HTR5A: variants seen among roughly 807,000 people sequenced by gnomAD.
The protein encoded by HTR5A is 5-hydroxytryptamine receptor 5A, also known as 5-HT-5.
In HTR5A, 21 loss-of-function variants were observed where a neutral mutation model predicts 24.3. The ratio of observed to expected loss-of-function variants is 0.86; its 90% CI spans 0.61 to 1.24. The LOEUF is 1.24. Ranked by LOEUF, HTR5A falls within the 50% of genes most tolerant of loss-of-function variation. The pLI, the probability that HTR5A is intolerant of heterozygous loss-of-function variation, is 0.00. For synonymous variants in HTR5A, 260 were observed against 213.7 expected (o/e 1.22, Z -1.89); for missense variants, 497 against 489.5 (o/e 1.02, Z -0.15).
At chr7:155,079,601 A>C (rs1795394551) in intron 1 of HTR5A, among the ~76,000 whole-genome samples, 1 of 152,246 alleles carries the variant, frequency 6.6e-6, no homozygotes, top group African/African-American at 2.4e-5. Context: ...TTCATTCATC[A>C]GATGTTTTTC....
rs115273410 is a variant in HTR5A at position 155,082,430 on chromosome 7, A to G, written c.742-1725A>G. Among the ~76,000 whole-genome samples the G allele has an allele frequency of 1.7e-3, 266 of 152,342 alleles. 2 individuals are homozygous for G. The highest frequency in any genetic ancestry group is 6.2e-3 in the African/African-American group (258 of 41,574). On this transcript the variant is annotated intron_variant, in intron 1 of 1. Coordinates refer to ENST00000287907, the MANE Select transcript of HTR5A (RefSeq NM_024012.4). The stretch of plus-strand genomic sequence containing the variant: ...CCCCAGTGTGAACAGCATCTCTAGT[A>G]TGATCAGAATCCATGGTGTTTCCAG...
rs1031605672 is a variant in HTR5A, at chr7:155,084,198, G to C, written c.785G>C (p.Arg262Pro). 6.2e-7 allele frequency: 1 copy of C among 1,613,418 alleles called. No homozygotes were observed. Among genetic ancestry groups the C allele is most frequent in the African/African-American group, 1.3e-5 (1 of 74,866 alleles). ...CAGCCCCAGATGGTGTTCACGGTCCGCCACGCCACCGTCACCTTCCAGCCA... is the reference window on the plus strand; with the variant it reads ...CAGCCCCAGATGGTGTTCACGGTCCCCCACGCCACCGTCACCTTCCAGCCA... ...AKQPQMVFTV[R>P]HATVTFQPEG... is the part of the protein sequence containing the mutation. The change falls in exon 2 of 2, where the codon CGC becomes CCC. Residue 262 changes from arginine to proline, a missense_variant. Physicochemically the swap from Arg to Pro is moderately radical, Grantham distance 103. Coordinates refer to ENST00000287907, the MANE Select transcript of HTR5A (RefSeq NM_024012.4).
rs151333626 is a variant in HTR5A, at chr7:155,073,865, GTATATA to G, written c.741+2231_741+2236del. 3.9e-3 allele frequency among the ~76,000 whole-genome samples: 222 copies of G among 57,298 alleles called. 8 individuals are homozygous for G. The highest frequency in any genetic ancestry group is 7.6e-3 in the Middle Eastern group (1 of 132). 37.6% of individuals were successfully genotyped at this position (57,298 alleles called of 152,430 possible). On this transcript the variant is annotated intron_variant, in intron 1 of 1. Transcript: ENST00000287907. The stretch of plus-strand genomic sequence containing the variant: ...CATATATATACATATGTGTGTGTGT[GTATATA>G]TATATGTATATATATATGTATATAT...
rs1048742021 is a variant in HTR5A, at chr7:155,085,007, C to G, written c.*520C>G. 6.5e-6 allele frequency: 1 copy of G among 153,548 alleles called. No individual in the cohort carries two copies. Among genetic ancestry groups the G allele is most frequent in the Admixed American group, 6.5e-5 (1 of 15,446 alleles). 9.5% of individuals were successfully genotyped at this position (153,548 alleles called of 1,614,324 possible). ...TGGGGTATGACCCAAGAGTTGACCA[C>G]AAAACACTGTCTCCAAATATATTAA... On this transcript the variant is annotated 3_prime_UTR_variant, in exon 2 of 2. Transcript: ENST00000287907.
At position 155,071,260 on chromosome 7, in the gene HTR5A, G is replaced by A. The variant is rs1204412791; in HGVS notation, c.361G>A (p.Asp121Asn). The A allele has an allele frequency of 3.7e-6, 6 of 1,606,274 alleles. No individual in the cohort carries two copies. The highest frequency in any genetic ancestry group is 3.3e-4 in the Middle Eastern group (2 of 6,062). The change falls in exon 1 of 2, where the codon GAC becomes AAC. Residue 121 changes from aspartate to asparagine, a missense_variant. Physicochemically the swap from Asp to Asn is conservative, Grantham distance 23. Transcript: ENST00000287907. The part of the protein sequence containing the change: ...RRLCQLWIAC[D>N]VLCCTASIWN... ...GCTGTGCCAGCTTTGGATCGCGTGC[G>A]ACGTGCTTTGCTGCACGGCCAGCAT...
rs756884581 is a variant in HTR5A, at chr7:155,071,486, G to T, written c.587G>T (p.Arg196Leu). The T allele has an allele frequency of 6.2e-7, 1 of 1,614,060 alleles. No homozygotes were observed. Among genetic ancestry groups the T allele is most frequent in the Non-Finnish European group, 8.5e-7 (1 of 1,180,038 alleles). The change falls in exon 1 of 2, where the codon CGC (arginine) becomes CTC (leucine). Residue 196 changes from arginine (R) to leucine (L), a missense_variant. Physicochemically the swap from Arg to Leu is moderately radical, Grantham distance 102 (BLOSUM62 -2). Transcript: ENST00000287907. ...GGCAGCGAGGAGTGCCAGGTAAGCC[G>T]CGAGCCTTCCTACGCCGTGTTCTCC... ...SEGSEECQVS[R>L]EPSYAVFSTV...
chr7:155,072,227 C>G (rs914314725), intron 1 of HTR5A, among the ~76,000 whole-genome samples: 4 of 152,172 alleles, frequency 2.6e-5, no homozygotes, highest in African/African-American at 9.7e-5. Context: ...CCCGTCCTGA[C>G]GTAAGACTGA....
Position 155,071,688 on chromosome 7 carries a change from G to C in HTR5A, c.741+48G>C, listed in dbSNP as rs187833908. 5 of 1,573,250 alleles carry C rather than the reference G, an allele frequency of 3.2e-6. No homozygotes were observed. In the East Asian group the frequency reaches 1.1e-4, roughly 35 times the overall value. On this transcript the variant is annotated intron_variant, in intron 1 of 1. Coordinates refer to ENST00000287907, the MANE Select transcript of HTR5A (RefSeq NM_024012.4). ...AAAATACTCGACTTGCATCTGTACA[G>C]GCTATATCCCCAGGCCACCTGCCCC...
In HTR5A at chr7:155,086,224, A is replaced by T. The variant is rs1348096022; in HGVS notation, c.*1737A>T. 6.6e-6 allele frequency among the ~76,000 whole-genome samples: 1 copy of T among 152,226 alleles called. No individual in the cohort carries two copies. The highest frequency in any genetic ancestry group is 1.5e-5 in the Non-Finnish European group (1 of 68,036). On this transcript the variant is annotated 3_prime_UTR_variant, in exon 2 of 2. Transcript: ENST00000287907. ...AGGGAAGTGTTTGAAAAACCTTATT[A>T]AGTACCCCATGGCAGAGAAGAAAAA...
At chr7:155,073,305 AGTGAGACTCT>A (rs1795318508) in intron 1 of HTR5A, among the ~76,000 whole-genome samples, 1 of 117,026 alleles carries the variant, frequency 8.5e-6, no homozygotes, top group Non-Finnish European at 1.7e-5. Context: ...TGGGCGACAG[AGTGAGACTCT>A]GTCTCAAGAA....
intron 1 of HTR5A, among the ~76,000 whole-genome samples, chr7:155,082,279 C>T (rs1458917745): frequency 6.6e-6 from 1 of 152,046 alleles, no homozygotes; most frequent in Non-Finnish European, 1.5e-5. Flanking sequence ...TGAACAGCAT[C>T]CATGGTGTTA....
chr7:155,074,280 C>T lies in HTR5A; in HGVS notation c.741+2640C>T, dbSNP rs148125162. On this transcript the variant is annotated intron_variant, in intron 1 of 1. Coordinates refer to ENST00000287907, the MANE Select transcript of HTR5A (RefSeq NM_024012.4). ...GGCAACACAAGATAGATAAGACTTGCCCTTGTCAAAGGAAGAGGAAGCCAC... is the reference window on the plus strand; with the variant it reads ...GGCAACACAAGATAGATAAGACTTGTCCTTGTCAAAGGAAGAGGAAGCCAC... 9.2e-3 allele frequency among the ~76,000 whole-genome samples: 1,405 copies of T among 152,236 alleles called. 24 individuals are homozygous for T. The highest frequency in any genetic ancestry group is 0.032 in the African/African-American group (1,322 of 41,536).
chr7:155,083,355 T>C (rs1435770167), intron 1 of HTR5A, among the ~76,000 whole-genome samples: 4 of 152,238 alleles, frequency 2.6e-5, no homozygotes. Flanking sequence ...GCTAATTCAG[T>C]AAATTTATGA....
Position 155,084,704 on chromosome 7 carries a change from C to T in HTR5A, c.*217C>T. On this transcript the variant is annotated 3_prime_UTR_variant, in exon 2 of 2. Transcript: ENST00000287907. ...TGACATGATGTATCTAACTTATCTA[C>T]TATCCCTTTCTCTGTGCTGACAGTC... is the stretch of plus-strand genomic sequence containing the variant. The T allele has an allele frequency of 7.4e-6, 4 of 538,730 alleles. No homozygotes were observed. In the South Asian group the frequency reaches 7.8e-5, roughly 10 times the overall value. The allele number at this position is 538,730 out of a possible 1,614,324, so 33.4% of individuals were successfully genotyped here.
chr7:155,073,514 T>C (rs1481335262), intron 1 of HTR5A, among the ~76,000 whole-genome samples: 1 of 151,958 alleles, frequency 6.6e-6, no homozygotes, highest in Non-Finnish European at 1.5e-5. Context: ...AGAGTGCTGA[T>C]GGGTAAGAAC....
intron 1 of HTR5A, among the ~76,000 whole-genome samples, chr7:155,083,168 C>A (rs2150821314): frequency 6.6e-6 from 1 of 152,258 alleles, no homozygotes; most frequent in Non-Finnish European, 1.5e-5. Context: ...CCTGACAATT[C>A]TTTGCCTCAA....
intron 1 of HTR5A, 74 bp downstream of exon 1, chr7:155,071,714 AC>A: frequency 3.4e-6 from 5 of 1,475,598 alleles, no homozygotes; most frequent in Admixed American, 3.9e-5. Flanking sequence ...CACCTGCCCC[AC>A]CCCCACACTT....
chr7:155,072,771 A>T (rs1284135552), intron 1 of HTR5A, among the ~76,000 whole-genome samples: 7 of 152,062 alleles, frequency 4.6e-5, no homozygotes, highest in Non-Finnish European at 8.8e-5. Context: ...TGGTCTAGGG[A>T]GGGAAATAGA....
intron 1 of HTR5A, among the ~76,000 whole-genome samples, chr7:155,075,063 A>G (rs1795346162): frequency 6.6e-6 from 1 of 152,238 alleles, no homozygotes; most frequent in Non-Finnish European, 1.5e-5. Flanking sequence ...TTGGTTACAA[A>G]TCCTAAGAGA....
Sources: allele counts gnomAD v4.1 joint callset (sites outside exome capture counted in the v4.1 genomes callset), GRCh38; gene constraint gnomAD v4.1.1; transcripts MANE v1.5; gene names NCBI Gene and HGNC (gene_info 2026-07-23, HGNC 2026-07-21).